Variants in KLHL29 observed in about 807,000 individuals in gnomAD.
KLHL29 encodes kelch like family member 29, also known as kelch-like protein 29.
KLHL29 carries 21 observed loss-of-function variants against 80.4 expected under a neutral mutation model. The ratio of observed to expected loss-of-function variants is 0.26; its 90% CI spans 0.19 to 0.38. The LOEUF (loss-of-function observed/expected upper bound fraction) is 0.38, where lower values mean the gene tolerates loss of function less well. Among genes scored for constraint, KLHL29 ranks in the 10% least tolerant of loss-of-function variants. KLHL29 has a pLI of 1.00. For missense variants in KLHL29, 867 were observed against 1,223.9 expected (o/e 0.71, Z 4.35); for synonymous variants, 511 against 526.8 (o/e 0.97, Z 0.41).
chr2:23,430,056 C>T (rs1032809455), intron 1 of KLHL29, among the ~76,000 whole-genome samples: 3 of 152,194 alleles, frequency 2.0e-5, no homozygotes, highest in African/African-American at 7.2e-5. Flanking sequence ...CTTGCTGGGG[C>T]TGGGATTTGA....
intron 5 of KLHL29, among the ~76,000 whole-genome samples, chr2:23,666,875 C>T (rs1440273752): frequency 1.3e-5 from 2 of 152,244 alleles, no homozygotes; most frequent in Non-Finnish European, 2.9e-5. Flanking sequence ...TGGCAGTTGC[C>T]AGGGCCCTTC....
At chr2:23,473,348 G>C (rs1359063515) in intron 1 of KLHL29, among the ~76,000 whole-genome samples, 1 of 152,082 alleles carries the variant, frequency 6.6e-6, no homozygotes, top group Non-Finnish European at 1.5e-5. Context: ...AACAGGGTGG[G>C]GAAGGTGGAA....
intron 1 of KLHL29, among the ~76,000 whole-genome samples, chr2:23,409,060 T>C (rs1296955447): frequency 2.0e-5 from 3 of 152,162 alleles, no homozygotes; most frequent in Non-Finnish European, 2.9e-5. Flanking sequence ...CCCAGACTGA[T>C]TGGGTAGAGC....
At chr2:23,624,547 C>G (rs1453241718) in intron 3 of KLHL29, among the ~76,000 whole-genome samples, 1 of 152,158 alleles carries the variant, frequency 6.6e-6, no homozygotes, top group Non-Finnish European at 1.5e-5. Context: ...GCAATTCAGA[C>G]CACCCGCCAC....
At chr2:23,523,073 C>A (rs113008722) in intron 2 of KLHL29, among the ~76,000 whole-genome samples, 5,105 of 151,756 alleles carry the variant, frequency 0.034, 283 homozygotes, top group African/African-American at 0.12. Flanking sequence ...GTTCTCAGAA[C>A]CTTGGGGGGC....
intron 3 of KLHL29, among the ~76,000 whole-genome samples, chr2:23,573,370 T>C (rs1667764721): frequency 6.6e-6 from 1 of 152,238 alleles, no homozygotes; most frequent in Non-Finnish European, 1.5e-5. Flanking sequence ...ATCCTCATTA[T>C]AACTCTCCGA....
chr2:23,426,126 T>G (rs1662997981), intron 1 of KLHL29, among the ~76,000 whole-genome samples: 1 of 152,086 alleles, frequency 6.6e-6, no homozygotes, highest in African/African-American at 2.4e-5. Flanking sequence ...GAGGGACAAC[T>G]GGGTTCTGGA....
intron 1 of KLHL29, among the ~76,000 whole-genome samples, chr2:23,437,271 A>C (rs754151316): frequency 4.6e-5 from 7 of 152,254 alleles, no homozygotes; most frequent in Non-Finnish European, 1.0e-4. Flanking sequence ...ATTTAGTTCC[A>C]TGAAATTGAG....
chr2:23,602,432 C>T (rs929411728), intron 3 of KLHL29, among the ~76,000 whole-genome samples: 3 of 152,164 alleles, frequency 2.0e-5, no homozygotes, highest in Non-Finnish European at 4.4e-5. Context: ...TCTGAGTCAA[C>T]ACGTCCATCC....
chr2:23,392,457 G>C (rs1328666864), intron 1 of KLHL29, among the ~76,000 whole-genome samples: 1 of 152,156 alleles, frequency 6.6e-6, no homozygotes, highest in Non-Finnish European at 1.5e-5. Flanking sequence ...TTTGAGGTCA[G>C]CTAATCTACC....
intron 1 of KLHL29, among the ~76,000 whole-genome samples, chr2:23,474,841 A>T (rs1483105460): frequency 6.6e-6 from 1 of 152,152 alleles, no homozygotes; most frequent in Non-Finnish European, 1.5e-5. Flanking sequence ...GGTTTAAAAA[A>T]ATATATTGAT....
In KLHL29 at chr2:23,513,335, C is replaced by G. The variant is rs140971557; in HGVS notation, c.-46+37668C>G. Among the ~76,000 whole-genome samples the G allele has an allele frequency of 6.0e-4, 92 of 152,312 alleles. 1 individual carries two copies. The highest frequency in any genetic ancestry group is 2.2e-3 in the African/African-American group (92 of 41,570). On this transcript the variant is annotated intron_variant, in intron 2 of 13. Coordinates refer to ENST00000486442, the MANE Select transcript of KLHL29 (RefSeq NM_052920.2). ...CTCCCTGGTCGAAGCAGAGATGCCT[C>G]TTTCTGGAGTCCCTGAATTACCCAT... is the stretch of plus-strand genomic sequence containing the variant.
chr2:23,698,718 C>T (rs1223834131), intron 11 of KLHL29, among the ~76,000 whole-genome samples: 1 of 152,132 alleles, frequency 6.6e-6, no homozygotes, highest in Non-Finnish European at 1.5e-5. Flanking sequence ...ACTGTGGTTA[C>T]TGGATAAATG....
chr2:23,675,777 C>T (rs1195315356), intron 5 of KLHL29, among the ~76,000 whole-genome samples: 1 of 152,202 alleles, frequency 6.6e-6, no homozygotes, highest in Non-Finnish European at 1.5e-5. Flanking sequence ...GGGTTATCGC[C>T]GTTATTAGCA....
intron 1 of KLHL29, among the ~76,000 whole-genome samples, chr2:23,438,359 T>C (rs1336840430): frequency 1.3e-4 from 19 of 147,336 alleles, no homozygotes; most frequent in Middle Eastern, 3.4e-3. Context: ...TGAATAGGAG[T>C]GGTGAGAGAG....
chr2:23,590,681 T>C (rs1255933771), intron 3 of KLHL29, among the ~76,000 whole-genome samples: 1 of 152,100 alleles, frequency 6.6e-6, no homozygotes, highest in East Asian at 1.9e-4. Flanking sequence ...GCTTCTGAAG[T>C]CCAGGCCACC....
At chr2:23,605,464 C>T (rs961458218) in intron 3 of KLHL29, among the ~76,000 whole-genome samples, 8 of 152,142 alleles carry the variant, frequency 5.3e-5, no homozygotes, top group Admixed American at 5.2e-4. Context: ...CTTCATAGGG[C>T]CCAGACCAGG....
At chr2:23,468,900 G>A (rs961353112) in intron 1 of KLHL29, among the ~76,000 whole-genome samples, 2 of 152,238 alleles carry the variant, frequency 1.3e-5, no homozygotes, top group African/African-American at 4.8e-5. Flanking sequence ...ACTTGAGGTG[G>A]CCTCTTTCCT....
At chr2:23,511,700 G>A (rs1414507593) in intron 2 of KLHL29, among the ~76,000 whole-genome samples, 1 of 152,186 alleles carries the variant, frequency 6.6e-6, no homozygotes, top group Non-Finnish European at 1.5e-5. Context: ...TTGCTGTCTG[G>A]GGATGTGATA....
Sources: gnomAD v4.1 joint callset for allele counts (sites outside exome capture counted in the v4.1 genomes callset) on GRCh38, gnomAD v4.1.1 for gene constraint, MANE v1.5 for transcripts, NCBI Gene and HGNC (gene_info 2026-07-23, HGNC 2026-07-21) for gene names.